Variants in DEFB1 observed in about 807,000 individuals in gnomAD.
DEFB1 encodes beta-defensin 1.
Under a neutral mutation model 2.6 loss-of-function variants are expected in DEFB1, and 4 were observed. That is an observed-to-expected ratio of 1.53 (90% CI 0.76 to 3.51). The LOEUF is 3.51. Ranked by LOEUF, DEFB1 falls within the 30% of genes most tolerant of loss-of-function variation. DEFB1 has a pLI of 0.01. For missense variants in DEFB1, 162 were observed against 76.9 expected, an observed-to-expected ratio of 2.11 and a Z score of -4.14; for synonymous variants, 56 against 28.5, an observed-to-expected ratio of 1.96 and a Z score of -3.07.
chr8:6,876,150 C>T (rs1444062658), intron 1 of DEFB1, among the ~76,000 whole-genome samples: 1 of 152,148 alleles, frequency 6.6e-6, no homozygotes, highest in Non-Finnish European at 1.5e-5. Context: ...TCTACTTTTA[C>T]TACATGGCAT....
chr8:6,872,697 C>G (rs1053340191), intron 1 of DEFB1, among the ~76,000 whole-genome samples: 2 of 152,224 alleles, frequency 1.3e-5, no homozygotes, highest in Non-Finnish European at 2.9e-5. Context: ...TTTGTTCATA[C>G]AAAACACAGT....
intron 1 of DEFB1, among the ~76,000 whole-genome samples, chr8:6,876,844 C>T (rs1237961783): frequency 6.3e-5 from 3 of 47,610 alleles, no homozygotes; most frequent in African/African-American, 3.6e-4. Flanking sequence ...AAACCAAAAA[C>T]CAAAAAAAAA....
Position 6,870,690 on chromosome 8 carries a change from G to T in DEFB1, c.198C>A (p.Cys66Ter). The change falls in exon 2 of 2, where the codon TGC (cysteine) becomes TGA (stop). Residue 66 changes from cysteine to a stop codon, truncating the protein, a stop_gained. Coordinates refer to ENST00000297439, the MANE Select transcript of DEFB1 (RefSeq NM_005218.4). LOFTEE classifies it high-confidence loss of function. ...QGTCYRGKAK[C>*]CK ...TCTGGTCACTCCCAGCTCACTTGCA[G>T]CACTTGGCCTTCCCTCTGTAACAGG... The T allele has an allele frequency of 1.2e-6, 2 of 1,613,998 alleles. No individual in the cohort carries two copies. Among genetic ancestry groups the T allele is most frequent in the Non-Finnish European group, 1.7e-6 (2 of 1,179,992 alleles).
chr8:6,876,849 A>G, intron 1 of DEFB1, among the ~76,000 whole-genome samples: 1 of 93,236 alleles, frequency 1.1e-5, no homozygotes. Context: ...AAAAACCAAA[A>G]AAAAAAACAA....
intron 1 of DEFB1, among the ~76,000 whole-genome samples, chr8:6,873,378 C>A (rs1806393393): frequency 6.6e-6 from 1 of 152,190 alleles, no homozygotes; most frequent in Non-Finnish European, 1.5e-5. Context: ...TTATGGGACA[C>A]AAAAGGAATT....
intron 1 of DEFB1, among the ~76,000 whole-genome samples, chr8:6,871,757 C>T (rs578120411): frequency 3.2e-4 from 48 of 152,306 alleles, no homozygotes; most frequent in East Asian, 1.2e-3. Context: ...AGGGAGGCGG[C>T]GGTCATCTAC....
chr8:6,870,784 T>C lies in DEFB1; in HGVS notation c.104A>G (p.Tyr35Cys), dbSNP rs140503947. The C allele has an allele frequency of 2.8e-5, 45 of 1,614,110 alleles. No individual in the cohort carries two copies. Among genetic ancestry groups the C allele is most frequent in the Non-Finnish European group, 3.4e-5 (40 of 1,180,048 alleles). The part of the protein sequence containing the change: ...LTGLGHRSDH[Y>C]NCVSSGGQCL... ...TTGCCCTCCACTGCTGACGCAATTG[T>C]AATGATCAGATCTGTGGCCAAGGCC... The change falls in exon 2 of 2, where the codon TAC becomes TGC. Residue 35 changes from tyrosine (Y) to cysteine (C), a missense_variant. Tyr to Cys is a radical substitution (Grantham distance 194). Transcript: ENST00000297439.
chr8:6,875,157 A>T (rs1376765867), intron 1 of DEFB1, among the ~76,000 whole-genome samples: 1 of 151,792 alleles, frequency 6.6e-6, no homozygotes, highest in Admixed American at 6.6e-5. Flanking sequence ...GAAAAAGGAT[A>T]AGCTTTTAGA....
intron 1 of DEFB1, among the ~76,000 whole-genome samples, chr8:6,877,062 C>T (rs5743426): frequency 1.3e-5 from 2 of 152,262 alleles, no homozygotes; most frequent in South Asian, 4.1e-4. Flanking sequence ...CAGGATCATC[C>T]TTCCCAGCCC....
chr8:6,873,322 C>T (rs1212459582), intron 1 of DEFB1, among the ~76,000 whole-genome samples: 1 of 152,210 alleles, frequency 6.6e-6, no homozygotes, highest in African/African-American at 2.4e-5. Context: ...TGTCACGGTG[C>T]ATAACCAGAA....
intron 1 of DEFB1, 64 bp downstream of exon 1, chr8:6,877,733 C>A (rs989285343): frequency 4.8e-5 from 69 of 1,449,078 alleles, no homozygotes; most frequent in Non-Finnish European, 5.8e-6. Context: ...CCATCCGAGA[C>A]TCACATCAGC....
chr8:6,870,801 G>A lies in DEFB1; in HGVS notation c.87C>T (p.Gly29=), dbSNP rs764948784. The A allele has an allele frequency of 1.9e-6, 3 of 1,613,692 alleles. No individual in the cohort carries two copies. Among genetic ancestry groups the A allele is most frequent in the Non-Finnish European group, 2.5e-6 (3 of 1,179,854 alleles). The part of the protein sequence containing the change: ...ASGGNFLTGL[G]HRSDHYNCVS... Reference sequence around the variant, plus strand: ...CGCAATTGTAATGATCAGATCTGTGGCCAAGGCCTGTGAGAAAGTTACCAC... The same window carrying A: ...CGCAATTGTAATGATCAGATCTGTGACCAAGGCCTGTGAGAAAGTTACCAC... The change falls in exon 2 of 2, where the codon GGC becomes GGT. Residue 29 remains glycine (G), a synonymous_variant. Transcript: ENST00000297439.
chr8:6,877,322 C>T lies in DEFB1; in HGVS notation c.61+475G>A, dbSNP rs1330253276. Among the ~76,000 whole-genome samples the T allele has an allele frequency of 2.0e-5, 3 of 152,320 alleles. No homozygotes were observed. The East Asian group carries it at 5.8e-4, about 29-fold the overall frequency. On this transcript the variant is annotated intron_variant, in intron 1 of 1. Coordinates refer to ENST00000297439, the MANE Select transcript of DEFB1 (RefSeq NM_005218.4). Reference sequence around the variant, plus strand: ...GGAGAGGGAGAGGACCGCCTGCCTGCACAGGAGGTGAGTCCAAGGCACCGG... The same window carrying T: ...GGAGAGGGAGAGGACCGCCTGCCTGTACAGGAGGTGAGTCCAAGGCACCGG...
intron 1 of DEFB1, among the ~76,000 whole-genome samples, chr8:6,871,490 C>T (rs905953303): frequency 6.6e-6 from 1 of 152,090 alleles, no homozygotes; most frequent in African/African-American, 2.4e-5. Flanking sequence ...ATATTCCTGG[C>T]GAGGGACCAG....
intron 1 of DEFB1, among the ~76,000 whole-genome samples, chr8:6,875,983 T>C (rs1430230407): frequency 2.0e-5 from 3 of 152,098 alleles, no homozygotes; most frequent in Admixed American, 6.6e-5. Context: ...AATTTAGATA[T>C]AATAGACTGA....
intron 1 of DEFB1, among the ~76,000 whole-genome samples, chr8:6,875,262 C>T (rs1265389113): frequency 6.6e-6 from 1 of 152,150 alleles, no homozygotes; most frequent in Admixed American, 6.5e-5. Flanking sequence ...AAAGACATGA[C>T]ACATTCGACT....
At chr8:6,872,989 T>G (rs1806377933) in intron 1 of DEFB1, among the ~76,000 whole-genome samples, 1 of 152,230 alleles carries the variant, frequency 6.6e-6, no homozygotes, top group Admixed American at 6.5e-5. Flanking sequence ...AGCATATAAA[T>G]TTGAAAGCAC....
intron 1 of DEFB1, among the ~76,000 whole-genome samples, chr8:6,873,619 C>G (rs776537428): frequency 2.0e-5 from 3 of 152,166 alleles, no homozygotes; most frequent in African/African-American, 7.2e-5. Flanking sequence ...AAGCCAAGTA[C>G]CACATGTTCT....
chr8:6,875,101 CA>C (rs1806476921), intron 1 of DEFB1, among the ~76,000 whole-genome samples: 1 of 151,290 alleles, frequency 6.6e-6, no homozygotes, highest in Non-Finnish European at 1.5e-5. Flanking sequence ...CACACACACA[CA>C]CACACACCCC....
Sources: gnomAD v4.1 joint callset for allele counts (sites outside exome capture counted in the v4.1 genomes callset) on GRCh38, gnomAD v4.1.1 for gene constraint, MANE v1.5 for transcripts, NCBI Gene and HGNC (gene_info 2026-07-23, HGNC 2026-07-21) for gene names.